The following SLC39A14 variants were observed in gnomAD, a reference collection of about 807,000 sequenced individuals.
SLC39A14 encodes solute carrier family 39 member 14, also known as metal cation symporter ZIP14.
SLC39A14 carries 19 observed loss-of-function variants against 45.5 expected under a neutral mutation model. That is an observed-to-expected ratio of 0.42 (90% CI 0.29 to 0.61). SLC39A14 has a LOEUF of 0.61. Ranked by LOEUF, SLC39A14 falls within the 20% of genes least tolerant of loss-of-function variation. SLC39A14 has a pLI of 0.22. For missense variants in SLC39A14, 447 were observed against 616.5 expected (o/e 0.73, Z 2.91); for synonymous variants, 264 against 251.3 (o/e 1.05, Z -0.48).
intron 4 of SLC39A14, among the ~76,000 whole-genome samples, chr8:22,413,478 A>G (rs1230025382): frequency 2.0e-5 from 3 of 151,992 alleles, no homozygotes; most frequent in East Asian, 3.9e-4. Flanking sequence ...TTCGTTGCCT[A>G]TTTTCACTTC....
intron 3 of SLC39A14, chr8:22,409,854 C>T (rs1295344650): frequency 8.2e-6 from 11 of 1,346,082 alleles, no homozygotes; most frequent in Non-Finnish European, 1.1e-5. Flanking sequence ...TCTGCCCCAT[C>T]ACACCTGAAT....
chr8:22,416,302 C>G (rs1563606013), intron 7 of SLC39A14, 22 bp downstream of exon 7: 1 of 1,606,084 alleles, frequency 6.2e-7, no homozygotes, highest in Admixed American at 1.7e-5. Flanking sequence ...TCCCCCGTTC[C>G]ACTGGTGCTC....
Position 22,432,054 on chromosome 8 carries a change from G to A in SLC39A14, c.1333-1837G>A, listed in dbSNP as rs910580409. ...AGGCCACTAAAAGAAAAGAGCAGCCGGCACGGTGCCTCATGCCTCTAATCC... is the reference window on the plus strand; with the variant it reads ...AGGCCACTAAAAGAAAAGAGCAGCCAGCACGGTGCCTCATGCCTCTAATCC... On this transcript the variant is annotated intron_variant, in intron 8 of 8. Coordinates refer to the SLC39A14 transcript ENST00000240095. Among the ~76,000 whole-genome samples, 9 of 152,162 alleles carry A rather than the reference G, an allele frequency of 5.9e-5. No individual in the cohort carries two copies. In the South Asian group the frequency reaches 8.3e-4, roughly 14 times the overall value.
At chr8:22,397,528 A>G (rs1020261671) in intron 1 of SLC39A14, among the ~76,000 whole-genome samples, 1 of 151,960 alleles carries the variant, frequency 6.6e-6, no homozygotes, top group Non-Finnish European at 1.5e-5. Flanking sequence ...CAGTGAGCCG[A>G]GATAGCGCCG....
At chr8:22,402,482 A>C (rs1029638633) in intron 1 of SLC39A14, among the ~76,000 whole-genome samples, 1 of 152,228 alleles carries the variant, frequency 6.6e-6, no homozygotes, top group Non-Finnish European at 1.5e-5. Flanking sequence ...TATCTTAAAA[A>C]ATTCTGGCCG....
intron 3 of SLC39A14, among the ~76,000 whole-genome samples, chr8:22,410,880 G>A (rs748755264): frequency 6.6e-6 from 1 of 152,198 alleles, no homozygotes; most frequent in Admixed American, 6.5e-5. Context: ...GTGAGGATAC[G>A]CAGACGTGTG....
At chr8:22,432,053 C>T (rs1586765041) in intron 8 of SLC39A14, among the ~76,000 whole-genome samples, 3 of 152,124 alleles carry the variant, frequency 2.0e-5, no homozygotes, top group East Asian at 3.9e-4. Flanking sequence ...AAAGAGCAGC[C>T]GGCACGGTGC....
At chr8:22,412,234 G>C in intron 4 of SLC39A14, 28 bp downstream of exon 4, 1 of 1,549,314 alleles carries the variant, frequency 6.5e-7, no homozygotes, top group Non-Finnish European at 8.7e-7. Flanking sequence ...CTTCACCCCG[G>C]AGCATGCCGG....
intron 1 of SLC39A14, among the ~76,000 whole-genome samples, chr8:22,389,581 A>G (rs1833961041): frequency 6.6e-6 from 1 of 152,010 alleles, no homozygotes; most frequent in Non-Finnish European, 1.5e-5. Flanking sequence ...CTACTGCTGC[A>G]CAGGTGCTTG....
In SLC39A14 at chr8:22,419,539, G is replaced by C. The variant is rs771896264; in HGVS notation, c.1333-13G>C. The C allele has an allele frequency of 1.2e-6, 2 of 1,606,734 alleles. No individual in the cohort carries two copies. Among genetic ancestry groups the C allele is most frequent in the Non-Finnish European group, 1.7e-6 (2 of 1,176,854 alleles). ...AGGAATTGCAGCTGTGTTGTTTCTT[G>C]CTTCTTTCCCAGTTCCCTGAGATGA... On this transcript the variant is annotated splice_polypyrimidine_tract_variant and intron_variant, in intron 8 of 8. Transcript: ENST00000381237.
At chr8:22,378,787 G>A (rs1461286138) in intron 1 of SLC39A14, among the ~76,000 whole-genome samples, 3 of 152,090 alleles carry the variant, frequency 2.0e-5, no homozygotes, top group Non-Finnish European at 4.4e-5. Context: ...CATGGGTCCC[G>A]CCCATACACA....
chr8:22,393,276 G>C, intron 1 of SLC39A14: 1 of 981,136 alleles, frequency 1.0e-6, no homozygotes, highest in Non-Finnish European at 1.2e-6. Flanking sequence ...GGAGGCAGGG[G>C]GAGAATGGGC....
intron 2 of SLC39A14, among the ~76,000 whole-genome samples, chr8:22,406,885 G>A (rs1563570522): frequency 6.6e-6 from 1 of 152,180 alleles, no homozygotes; most frequent in Admixed American, 6.5e-5. Flanking sequence ...AGCCTTAGAA[G>A]CGCAGGCACT....
chr8:22,429,380 T>C (rs547840247), intron 8 of SLC39A14, among the ~76,000 whole-genome samples: 1 of 152,254 alleles, frequency 6.6e-6, no homozygotes, highest in South Asian at 2.1e-4. Context: ...TTAACCTCTC[T>C]GCACCTCAAT....
At chr8:22,392,271 CA>C (rs1834117769) in intron 1 of SLC39A14, among the ~76,000 whole-genome samples, 1 of 152,142 alleles carries the variant, frequency 6.6e-6, no homozygotes, top group South Asian at 2.1e-4. Context: ...CTGTGCTGTG[CA>C]GCCTTTAAGC....
At chr8:22,393,848 T>A in intron 1 of SLC39A14, among the ~76,000 whole-genome samples, 1 of 152,170 alleles carries the variant, frequency 6.6e-6, no homozygotes, top group East Asian at 1.9e-4. Context: ...AACTTTTGCA[T>A]TTTTTATAGA....
At chr8:22,388,065 A>G (rs1019983770) in intron 1 of SLC39A14, among the ~76,000 whole-genome samples, 2 of 152,232 alleles carry the variant, frequency 1.3e-5, no homozygotes, top group African/African-American at 4.8e-5. Context: ...TTTAAGCAGC[A>G]GGTGCTTATT....
At chr8:22,394,196 G>A (rs28416650) in intron 1 of SLC39A14, among the ~76,000 whole-genome samples, 19,481 of 151,502 alleles carry the variant, frequency 0.13, 1,290 homozygotes, top group East Asian at 0.19. Flanking sequence ...TAGTAGAAGC[G>A]GGGTTTCACC....
intron 8 of SLC39A14, among the ~76,000 whole-genome samples, chr8:22,429,646 AG>A (rs1836438476): frequency 6.6e-6 from 1 of 152,222 alleles, no homozygotes; most frequent in African/African-American, 2.4e-5. Context: ...GAGGTAGACG[AG>A]AAGGGAATGA....
Sources: gnomAD v4.1 joint callset for allele counts (sites outside exome capture counted in the v4.1 genomes callset) on GRCh38, gnomAD v4.1.1 for gene constraint, MANE v1.5 for transcripts, NCBI Gene and HGNC (gene_info 2026-07-23, HGNC 2026-07-21) for gene names.